The following TSPAN2 variants were observed in gnomAD, a reference collection of about 807,000 sequenced individuals.
The protein encoded by TSPAN2 is tetraspanin 2.
Under a neutral mutation model 33.3 loss-of-function variants are expected in TSPAN2, and 24 were observed. The ratio of observed to expected loss-of-function variants is 0.72; its 90% CI spans 0.52 to 1.01. TSPAN2 has a LOEUF of 1.01. TSPAN2 is among the 50% of genes least tolerant of loss of function. The pLI is 0.00. For missense variants in TSPAN2, 278 were observed against 281.3 expected, an observed-to-expected ratio of 0.99 and a Z score of 0.08; for synonymous variants, 114 against 104.5, an observed-to-expected ratio of 1.09 and a Z score of -0.56.
At chr1:115,078,716 C>A (rs1418231993) in intron 1 of TSPAN2, among the ~76,000 whole-genome samples, 1 of 152,188 alleles carries the variant, frequency 6.6e-6, no homozygotes, top group Non-Finnish European at 1.5e-5. Context: ...GTCTCCAGAA[C>A]TGTGAAAAAT....
At chr1:115,051,961 G>A (rs1675327767) in intron 7 of TSPAN2, among the ~76,000 whole-genome samples, 1 of 152,212 alleles carries the variant, frequency 6.6e-6, no homozygotes, top group African/African-American at 2.4e-5. Flanking sequence ...CCATAAGGTT[G>A]GATGTAATCC....
At chr1:115,061,847 T>A (rs1647735417) in intron 3 of TSPAN2, among the ~76,000 whole-genome samples, 1 of 151,672 alleles carries the variant, frequency 6.6e-6, no homozygotes, top group Non-Finnish European at 1.5e-5. Context: ...AGAGACTAGG[T>A]CTCCCTGTGT....
chr1:115,057,387 T>G, intron 6 of TSPAN2, 150 bp downstream of exon 6: 1 of 748,082 alleles, frequency 1.3e-6, no homozygotes, highest in Non-Finnish European at 2.3e-6. Context: ...GTCTCTCAGC[T>G]CAACGCTATT....
intron 6 of TSPAN2, among the ~76,000 whole-genome samples, chr1:115,054,282 A>G (rs1019325504): frequency 2.0e-5 from 3 of 152,350 alleles, no homozygotes; most frequent in Middle Eastern, 3.4e-3. Context: ...TCTGAGCTAT[A>G]TAAAACCCTT....
chr1:115,060,032 C>A lies in TSPAN2; in HGVS notation c.345+432G>T, dbSNP rs535498876. ...GGGCAGCAAATATAAACTGGCTTCA[C>A]TAGCCCACAGCAGTGTAGGCTCTGC... On this transcript the variant is annotated intron_variant, in intron 4 of 7. Coordinates refer to ENST00000369516, the MANE Select transcript of TSPAN2 (RefSeq NM_005725.6). 2.6e-5 allele frequency among the ~76,000 whole-genome samples: 4 copies of A among 152,278 alleles called. No individual in the cohort carries two copies. In the South Asian group the frequency reaches 8.3e-4, roughly 32 times the overall value.
At chr1:115,070,937 C>T (rs1344978025) in intron 2 of TSPAN2, among the ~76,000 whole-genome samples, 1 of 152,140 alleles carries the variant, frequency 6.6e-6, no homozygotes, top group Non-Finnish European at 1.5e-5. Flanking sequence ...ACTGTGAATG[C>T]TGGCCAATGG....
At chr1:115,075,037 C>G (rs1217002817) in intron 1 of TSPAN2, among the ~76,000 whole-genome samples, 1 of 152,164 alleles carries the variant, frequency 6.6e-6, no homozygotes, top group African/African-American at 2.4e-5. Context: ...CCAGCAGCCA[C>G]CGAGCAGACT....
At position 115,060,494 on chromosome 1, in the gene TSPAN2, A is replaced by G; in HGVS notation, c.315T>C (p.Thr105=). 6.2e-7 allele frequency: 1 copy of G among 1,613,704 alleles called. No homozygotes were observed. The highest frequency in any genetic ancestry group is 8.5e-7 in the Non-Finnish European group (1 of 1,179,736). Residue 105 remains threonine (T), a synonymous_variant, in exon 4 of 8, where the codon ACT becomes ACC. Coordinates refer to ENST00000369516, the MANE Select transcript of TSPAN2 (RefSeq NM_005725.6). ...CCTTGCCTATAAAAGCAAATACTCCAGTGGTTACTTCAGCAGCAAATATCA... is the reference window on the plus strand; with the variant it reads ...CCTTGCCTATAAAAGCAAATACTCCGGTGGTTACTTCAGCAGCAAATATCA... ...LLVIFAAEVT[T]GVFAFIGKGV... is the part of the protein sequence containing the mutation.
At chr1:115,076,479 G>C (rs942687081) in intron 1 of TSPAN2, among the ~76,000 whole-genome samples, 1 of 152,156 alleles carries the variant, frequency 6.6e-6, no homozygotes, top group Non-Finnish European at 1.5e-5. Flanking sequence ...CAAAGGGAAA[G>C]GCTTGAATGG....
At chr1:115,087,533 G>A (rs943637477) in intron 1 of TSPAN2, among the ~76,000 whole-genome samples, 11 of 149,966 alleles carry the variant, frequency 7.3e-5, no homozygotes, top group South Asian at 2.1e-4. Flanking sequence ...GGAGAATGGC[G>A]TGCATCTGGG....
rs377613795 is a variant in TSPAN2, at chr1:115,084,273, GT to G, written c.69+5090del. On this transcript the variant is annotated intron_variant, in intron 1 of 7. Coordinates refer to ENST00000369516, the MANE Select transcript of TSPAN2 (RefSeq NM_005725.6). ...ATGTGCACAAAGTTCACAGATATTAGTAGTTTATTATGTCCATTATACAGAT... is the reference window on the plus strand; with the variant it reads ...ATGTGCACAAAGTTCACAGATATTAGAGTTTATTATGTCCATTATACAGAT... Among the ~76,000 whole-genome samples, 11 of 152,270 alleles carry G rather than the reference GT, an allele frequency of 7.2e-5. No homozygotes were observed. In the East Asian group the frequency reaches 2.1e-3, roughly 29 times the overall value.
intron 1 of TSPAN2, among the ~76,000 whole-genome samples, chr1:115,074,559 T>C (rs1356364919): frequency 1.3e-5 from 2 of 152,112 alleles, no homozygotes; most frequent in Non-Finnish European, 2.9e-5. Flanking sequence ...GACGTCTGCA[T>C]TTAAAAAAAG....
chr1:115,057,292 G>T (rs960031280), intron 6 of TSPAN2, among the ~76,000 whole-genome samples: 1 of 152,060 alleles, frequency 6.6e-6, no homozygotes. Flanking sequence ...TCTCTTCTCT[G>T]GTCACCACTC....
chr1:115,059,489 C>T (rs994919712), intron 4 of TSPAN2, among the ~76,000 whole-genome samples: 1 of 152,208 alleles, frequency 6.6e-6, no homozygotes, highest in African/African-American at 2.4e-5. Flanking sequence ...GGGCTCCATC[C>T]AGATGATTTG....
intron 5 of TSPAN2, 122 bp downstream of exon 5, chr1:115,058,761 T>C: frequency 1.2e-6 from 1 of 846,326 alleles, no homozygotes; most frequent in Non-Finnish European, 2.0e-6. Context: ...AGGGCTAAAA[T>C]AGGTGGTGCT....
Position 115,080,133 on chromosome 1 carries a change from A to G in TSPAN2, c.70-7126T>C, listed in dbSNP as rs190672854. Among the ~76,000 whole-genome samples, 153 of 152,332 alleles carry G rather than the reference A, an allele frequency of 1.0e-3. 1 individual carries two copies. The highest frequency in any genetic ancestry group is 2.2e-4 in the Non-Finnish European group (15 of 68,034). On this transcript the variant is annotated intron_variant, in intron 1 of 7. Transcript: ENST00000369516. The stretch of plus-strand genomic sequence containing the variant: ...TGGGATGAAAAGCTTGCTGCAAATG[A>G]TAGAGCAGATAATTTACATATAGAC...
At chr1:115,080,021 A>G (rs147360860) in intron 1 of TSPAN2, among the ~76,000 whole-genome samples, 2 of 152,352 alleles carry the variant, frequency 1.3e-5, no homozygotes, top group East Asian at 3.9e-4. Flanking sequence ...AAATTGTTAT[A>G]AAGTTAACTT....
At chr1:115,053,538 T>C in intron 6 of TSPAN2, 76 bp from the exon 7 acceptor site, 2 of 1,209,494 alleles carry the variant, frequency 1.7e-6, no homozygotes, top group South Asian at 2.6e-5. Flanking sequence ...ATCCTTTCCA[T>C]CTCTACAGTT....
intron 2 of TSPAN2, among the ~76,000 whole-genome samples, chr1:115,065,017 T>C (rs1480244353): frequency 6.6e-6 from 1 of 152,194 alleles, no homozygotes; most frequent in Non-Finnish European, 1.5e-5. Flanking sequence ...ATTCTTAGGC[T>C]ATCAGAATCC....
Sources: gnomAD v4.1 joint callset for allele counts (sites outside exome capture counted in the v4.1 genomes callset) on GRCh38, gnomAD v4.1.1 for gene constraint, MANE v1.5 for transcripts, NCBI Gene and HGNC (gene_info 2026-07-23, HGNC 2026-07-21) for gene names.